The following PRKG1 variants were observed in gnomAD, a reference collection of about 807,000 sequenced individuals.
PRKG1 encodes the protein protein kinase cGMP-dependent 1.
PRKG1 carries 35 observed loss-of-function variants against 88.1 expected under a neutral mutation model. The ratio of observed to expected loss-of-function variants is 0.40; its 90% CI spans 0.30 to 0.53. The LOEUF (loss-of-function observed/expected upper bound fraction) is 0.53, where lower values mean the gene tolerates loss of function less well. Ranked by LOEUF, PRKG1 falls within the 20% of genes least tolerant of loss-of-function variation. The pLI, the probability that PRKG1 is intolerant of heterozygous loss-of-function variation, is 0.59. For missense variants in PRKG1, 540 were observed against 839.8 expected (o/e 0.64, Z 4.41); for synonymous variants, 303 against 292.5 (o/e 1.04, Z -0.37).
intron 3 of PRKG1, among the ~76,000 whole-genome samples, chr10:51,627,925 C>T (rs1373423003): frequency 2.1e-4 from 8 of 37,242 alleles, no homozygotes; most frequent in Non-Finnish European, 4.0e-4. Context: ...TCCTTCCCTT[C>T]CTTTCTTCCT....
chr10:51,353,940 T>C (rs189391159), intron 2 of PRKG1, among the ~76,000 whole-genome samples: 60 of 152,224 alleles, frequency 3.9e-4, no homozygotes, highest in African/African-American at 1.4e-3. Context: ...ATCTAATGGA[T>C]ATAAATATCC....
intron 2 of PRKG1, among the ~76,000 whole-genome samples, chr10:51,262,446 GT>G (rs1839736746): frequency 6.6e-6 from 1 of 152,086 alleles, no homozygotes; most frequent in Non-Finnish European, 1.5e-5. Flanking sequence ...TCTGATGTTT[GT>G]TAGCAGTGGC....
At chr10:51,293,994 A>G (rs1840651661) in intron 2 of PRKG1, among the ~76,000 whole-genome samples, 1 of 152,032 alleles carries the variant, frequency 6.6e-6, no homozygotes, top group Non-Finnish European at 1.5e-5. Context: ...ATTTTTTCAT[A>G]TGGCTGTTGG....
At chr10:51,121,568 C>G (rs1490513995) in intron 1 of PRKG1, among the ~76,000 whole-genome samples, 1 of 151,950 alleles carries the variant, frequency 6.6e-6, no homozygotes, top group Non-Finnish European at 1.5e-5. Context: ...CTCACTGAAT[C>G]CTCATAACAA....
At chr10:52,118,993 C>T (rs1402525199) in intron 7 of PRKG1, among the ~76,000 whole-genome samples, 1 of 151,854 alleles carries the variant, frequency 6.6e-6, no homozygotes, top group Non-Finnish European at 1.5e-5. Flanking sequence ...ATTACATTTT[C>T]TTGACTTTTT....
chr10:52,247,163 AAAATAAT>A (rs1450232650), intron 9 of PRKG1, among the ~76,000 whole-genome samples: 1 of 152,170 alleles, frequency 6.6e-6, no homozygotes. Context: ...GCCCTATACT[AAAATAAT>A]AATAACAATA....
At chr10:52,067,654 T>A (rs1032767081) in intron 7 of PRKG1, among the ~76,000 whole-genome samples, 3 of 152,118 alleles carry the variant, frequency 2.0e-5, no homozygotes, top group Non-Finnish European at 4.4e-5. Flanking sequence ...ATTAGAAAAA[T>A]TTGAGTCTCT....
At chr10:51,353,141 A>G (rs1842289856) in intron 2 of PRKG1, among the ~76,000 whole-genome samples, 1 of 152,120 alleles carries the variant, frequency 6.6e-6, no homozygotes, top group Admixed American at 6.6e-5. Flanking sequence ...TACAAAAATA[A>G]AATCAAAATA....
chr10:51,926,679 T>C (rs1197772897), intron 5 of PRKG1, among the ~76,000 whole-genome samples: 1 of 151,946 alleles, frequency 6.6e-6, no homozygotes, highest in Non-Finnish European at 1.5e-5. Context: ...CCTCCTGTCC[T>C]GCCTGCTTGT....
chr10:51,534,860 A>G (rs187949581), intron 3 of PRKG1, among the ~76,000 whole-genome samples: 4 of 152,226 alleles, frequency 2.6e-5, no homozygotes, highest in Middle Eastern at 3.4e-3. Context: ...TTGATTTAAT[A>G]TATTTACCCC....
chr10:51,373,382 A>G (rs1020636778), intron 2 of PRKG1, among the ~76,000 whole-genome samples: 19 of 152,192 alleles, frequency 1.2e-4, no homozygotes, highest in African/African-American at 4.3e-4. Flanking sequence ...CTAAGGTTTG[A>G]TAAGGAGGTG....
rs374348122 is a variant in PRKG1, at chr10:51,207,581, A to G, written c.478+54251A>G. 1.7e-4 allele frequency among the ~76,000 whole-genome samples: 26 copies of G among 151,788 alleles called. No individual in the cohort carries two copies. In the East Asian group the frequency reaches 3.1e-3, roughly 18 times the overall value. ...CCAGAGATCTACTGGAATGCATTCA[A>G]CTCCACTCAGGCACCAGGATTCAGC... On this transcript the variant is annotated intron_variant, in intron 2 of 17. Transcript: ENST00000373980.
chr10:51,944,336 C>A (rs1316393594), intron 5 of PRKG1, among the ~76,000 whole-genome samples: 2 of 151,924 alleles, frequency 1.3e-5, no homozygotes, highest in Admixed American at 1.3e-4. Flanking sequence ...CTATTTGATT[C>A]TTTTCTCTTT....
At position 51,853,487 on chromosome 10, in the gene PRKG1, G is replaced by A. The variant is rs76479252; in HGVS notation, c.698+48797G>A. Among the ~76,000 whole-genome samples, 62 of 152,244 alleles carry A rather than the reference G, an allele frequency of 4.1e-4. No individual in the cohort carries two copies. In the East Asian group the frequency reaches 9.3e-3, roughly 23 times the overall value. On this transcript the variant is annotated intron_variant, in intron 4 of 17. Coordinates refer to ENST00000373980, the MANE Select transcript of PRKG1 (RefSeq NM_006258.4). Reference sequence around the variant, plus strand: ...AACACCCATTATAATCATAGCACACGTGGAGGAGTATATTTTATAACATTT... The same window carrying A: ...AACACCCATTATAATCATAGCACACATGGAGGAGTATATTTTATAACATTT...
At chr10:52,114,053 G>A (rs1298077835) in intron 7 of PRKG1, among the ~76,000 whole-genome samples, 1 of 152,080 alleles carries the variant, frequency 6.6e-6, no homozygotes, top group Non-Finnish European at 1.5e-5. Flanking sequence ...GAATAGAAGG[G>A]AGTGGTAGAG....
intron 2 of PRKG1, among the ~76,000 whole-genome samples, chr10:51,413,700 C>T (rs1363872168): frequency 1.3e-5 from 2 of 152,154 alleles, no homozygotes; most frequent in African/African-American, 4.8e-5. Flanking sequence ...TTATCCTAGA[C>T]TTGTGTTGTT....
At chr10:51,228,961 A>G (rs1239913691) in intron 2 of PRKG1, among the ~76,000 whole-genome samples, 1 of 152,146 alleles carries the variant, frequency 6.6e-6, no homozygotes, top group Non-Finnish European at 1.5e-5. Flanking sequence ...CGTTATGCAG[A>G]CTGTTCCTTT....
At chr10:51,333,310 T>C (rs1439253272) in intron 2 of PRKG1, among the ~76,000 whole-genome samples, 2 of 152,226 alleles carry the variant, frequency 1.3e-5, no homozygotes, top group Non-Finnish European at 2.9e-5. Flanking sequence ...TAAACTTAGC[T>C]CATGTTAGTG....
intron 1 of PRKG1, among the ~76,000 whole-genome samples, chr10:51,030,202 G>GTT (rs201620009): frequency 6.7e-6 from 1 of 149,258 alleles, no homozygotes. Flanking sequence ...TATATTTACT[G>GTT]TTTTTTTTCA....
Sources: gnomAD v4.1 joint callset for allele counts (sites outside exome capture counted in the v4.1 genomes callset) on GRCh38, gnomAD v4.1.1 for gene constraint, MANE v1.5 for transcripts, NCBI Gene and HGNC (gene_info 2026-07-23, HGNC 2026-07-21) for gene names.